Variants in TM7SF3 observed in about 807,000 individuals in gnomAD.
The protein encoded by TM7SF3 is transmembrane 7 superfamily member 3.
A neutral mutation model predicts 65.5 loss-of-function variants in TM7SF3; 60 were observed. The ratio of observed to expected loss-of-function variants is 0.92; its 90% confidence interval spans 0.74 to 1.14. TM7SF3 has a LOEUF of 1.14. Ranked by LOEUF, TM7SF3 falls within the 50% of genes most tolerant of loss-of-function variation. The probability of loss-of-function intolerance (pLI) is 0.00; values close to 1 mark genes in which losing one functional copy is unlikely to be tolerated. For missense variants in TM7SF3, 623 were observed against 684.8 expected, an observed-to-expected ratio of 0.91 and a Z score of 1.01; for synonymous variants, 264 against 259.6, an observed-to-expected ratio of 1.02 and a Z score of -0.16.
At chr12:26,984,709 C>T (rs1939967690) in intron 6 of TM7SF3, among the ~76,000 whole-genome samples, 1 of 152,046 alleles carries the variant, frequency 6.6e-6, no homozygotes, top group African/African-American at 2.4e-5. Context: ...AATCCCCTAT[C>T]ACAATACCAG....
rs1185437956 is a variant in TM7SF3, at chr12:26,999,516, G to A, written c.397+10C>T. The A allele has an allele frequency of 6.8e-6, 11 of 1,613,732 alleles. No individual in the cohort carries two copies. Among genetic ancestry groups the A allele is most frequent in the Middle Eastern group, 1.7e-4 (1 of 6,050 alleles). ...AAAGAGTAAGAGGGAGGAGAAGACAGAAGGGTTACCTCTTTCTGAGTAGGA... is the reference window on the plus strand; with the variant it reads ...AAAGAGTAAGAGGGAGGAGAAGACAAAAGGGTTACCTCTTTCTGAGTAGGA... On this transcript the variant is annotated intron_variant, in intron 3 of 11. Transcript: ENST00000343028.
At chr12:27,011,962 G>A (rs1041855032) in intron 1 of TM7SF3, among the ~76,000 whole-genome samples, 5 of 152,050 alleles carry the variant, frequency 3.3e-5, no homozygotes, top group Non-Finnish European at 5.9e-5. Flanking sequence ...AGTTCTGGAC[G>A]CCTGCTCTCC....
chr12:26,990,449 C>T lies in TM7SF3; in HGVS notation c.868+1G>A. The T allele has an allele frequency of 6.2e-7, 1 of 1,611,174 alleles. No individual in the cohort carries two copies. Among genetic ancestry groups the T allele is most frequent in the Non-Finnish European group, 8.5e-7 (1 of 1,177,836 alleles). On this transcript the variant is annotated splice_donor_variant, in intron 6 of 11. Transcript: ENST00000343028. LOFTEE classifies it high-confidence loss of function. Reference sequence around the variant, plus strand: ...GTAAAAGTTTAAAGCCACATACTCACCTAGGGAAGCACAACTACCCTCTCC... The same window carrying T: ...GTAAAAGTTTAAAGCCACATACTCATCTAGGGAAGCACAACTACCCTCTCC...
At chr12:26,974,627 T>C (rs954863920) in intron 11 of TM7SF3, among the ~76,000 whole-genome samples, 1 of 152,210 alleles carries the variant, frequency 6.6e-6, no homozygotes, top group Admixed American at 6.5e-5. Flanking sequence ...CGCTCATTTC[T>C]TTCCCATTCC....
At chr12:27,013,991 T>C in intron 1 of TM7SF3, 87 bp downstream of exon 1, 1 of 1,155,606 alleles carries the variant, frequency 8.7e-7, no homozygotes, top group South Asian at 1.3e-5. Flanking sequence ...ATCTCCCTGC[T>C]AGGCTGACAG....
rs777271419 is a variant in TM7SF3 at position 26,990,603 on chromosome 12, TATC to T, written c.712_714del (p.Asp238del). The T allele has an allele frequency of 9.9e-6, 16 of 1,613,764 alleles. No individual in the cohort carries two copies. In the Admixed American group the frequency reaches 1.0e-4, roughly 10 times the overall value. On this transcript the variant is annotated inframe_deletion, in exon 6 of 12. Coordinates refer to ENST00000343028, the MANE Select transcript of TM7SF3 (RefSeq NM_016551.3). ...AGGGAGGAGAAGGAAACACTTGTCT[TATC>T]ATTAGCTGTTAGGGTAACCACCTGA...
intron 10 of TM7SF3, 105 bp downstream of exon 10, chr12:26,976,155 A>G: frequency 2.3e-6 from 2 of 860,520 alleles, no homozygotes; most frequent in Non-Finnish European, 3.8e-6. Context: ...TACAGGTAAC[A>G]CAGCCCTCCC....
intron 4 of TM7SF3, 106 bp from the exon 5 acceptor site, chr12:26,995,514 A>G: frequency 8.4e-7 from 1 of 1,190,356 alleles, no homozygotes; most frequent in South Asian, 1.3e-5. Flanking sequence ...AATAATTACA[A>G]TTTAACAGTT....
intron 8 of TM7SF3, 129 bp downstream of exon 8, chr12:26,980,437 T>A (rs945350209): frequency 2.3e-5 from 15 of 648,492 alleles, no homozygotes; most frequent in Middle Eastern, 3.4e-4. Context: ...AGAGACTAGA[T>A]GGACCATTAT....
chr12:26,992,952 C>T (rs1453062778), intron 5 of TM7SF3, among the ~76,000 whole-genome samples: 1 of 148,222 alleles, frequency 6.7e-6, no homozygotes, highest in Non-Finnish European at 1.5e-5. Context: ...CTCTGTCGCC[C>T]AGGCTACAGT....
chr12:27,009,535 T>C (rs956479922), intron 1 of TM7SF3, among the ~76,000 whole-genome samples: 2 of 152,208 alleles, frequency 1.3e-5, no homozygotes, highest in Non-Finnish European at 2.9e-5. Context: ...GAGGCTATTT[T>C]AAATGTACTT....
Position 26,973,273 on chromosome 12 carries a change from TCCAG to T in TM7SF3, c.*688_*691del, listed in dbSNP as rs1939435519. On this transcript the variant is annotated 3_prime_UTR_variant, in exon 12 of 12. Transcript: ENST00000343028. ...TCACTGTAGCCTCAATCTTCAGGGCTCCAGGGATCCTCCCATCTCAGTCTCCTTG... is the reference window on the plus strand; with the variant it reads ...TCACTGTAGCCTCAATCTTCAGGGCTGGATCCTCCCATCTCAGTCTCCTTG... 1 of 151,956 alleles carries T rather than the reference TCCAG, an allele frequency of 6.6e-6. No homozygotes were observed. Among genetic ancestry groups the T allele is most frequent in the Non-Finnish European group, 1.5e-5 (1 of 68,010 alleles). The allele number at this position is 151,956 out of a possible 1,614,324, so 9.4% of individuals were successfully genotyped here.
At chr12:26,998,864 G>A (rs1940709781) in intron 3 of TM7SF3, among the ~76,000 whole-genome samples, 1 of 152,102 alleles carries the variant, frequency 6.6e-6, no homozygotes, top group African/African-American at 2.4e-5. Flanking sequence ...TTGTATGCAA[G>A]GCCCTCCACA....
At chr12:27,010,801 C>T (rs1196417278) in intron 1 of TM7SF3, among the ~76,000 whole-genome samples, 1 of 152,136 alleles carries the variant, frequency 6.6e-6, no homozygotes, top group Non-Finnish European at 1.5e-5. Flanking sequence ...TTTTTCACAC[C>T]CATCTTCCAT....
At chr12:26,990,664 GA>G (rs765493089) in intron 5 of TM7SF3, 37 bp from the exon 6 acceptor site, 2 of 1,553,096 alleles carry the variant, frequency 1.3e-6, no homozygotes, top group Admixed American at 3.5e-5. Context: ...GTGTTTAGGG[GA>G]TTTTTTTAAG....
intron 6 of TM7SF3, 54 bp from the exon 7 acceptor site, chr12:26,982,913 T>A: frequency 7.8e-7 from 1 of 1,278,056 alleles, no homozygotes; most frequent in Non-Finnish European, 1.1e-6. Context: ...TACTTTGTAT[T>A]AATATTTATA....
chr12:26,976,356 T>C lies in TM7SF3; in HGVS notation c.1191A>G (p.Gly397=), dbSNP rs753796171. 8 of 1,612,238 alleles carry C rather than the reference T, an allele frequency of 5.0e-6. No individual in the cohort carries two copies. The South Asian group carries it at 8.8e-5, about 18-fold the overall frequency. Residue 397 remains glycine, a splice_region_variant and synonymous_variant, in exon 10 of 12, where the codon GGA becomes GGG. Transcript: ENST00000343028. ...CATCATCATGAAAAATCTTTAGGTT[T>C]CCTGAAAAAGCAAAAAGAAACTAAG... ...ISSVTFFTPL[G]NLKIFHDDGV...
Position 26,996,854 on chromosome 12 carries a change from G to C in TM7SF3, c.406C>G (p.Pro136Ala). Residue 136 changes from proline (P) to alanine (A), a missense_variant, in exon 4 of 12, where the codon CCT (proline) becomes GCT (alanine). Physicochemically the swap from Pro to Ala is conservative, Grantham distance 27. Transcript: ENST00000343028. ...TCGAACTCCAAATTACAGCCTCCAG[G>C]GACAGGATCTGGATAAGAAATAGGG... is the stretch of plus-strand genomic sequence containing the variant. ...LLSYSERDPV[P>A]GGCNLEFDLD... 5.6e-6 allele frequency: 9 copies of C among 1,608,986 alleles called. No individual in the cohort carries two copies. Among genetic ancestry groups the C allele is most frequent in the Non-Finnish European group, 7.6e-6 (9 of 1,178,176 alleles).
intron 6 of TM7SF3, among the ~76,000 whole-genome samples, chr12:26,987,432 T>C (rs893787953): frequency 3.3e-5 from 5 of 152,090 alleles, no homozygotes; most frequent in Non-Finnish European, 5.9e-5. Flanking sequence ...AAACCCCTCA[T>C]CCAATCCATC....
Sources: gnomAD v4.1 joint callset for allele counts (sites outside exome capture counted in the v4.1 genomes callset) on GRCh38, gnomAD v4.1.1 for gene constraint, MANE v1.5 for transcripts, NCBI Gene and HGNC (gene_info 2026-07-23, HGNC 2026-07-21) for gene names.